Variants in CACNG3 observed in about 807,000 individuals in gnomAD.
The protein encoded by CACNG3 is voltage-dependent calcium channel gamma-3 subunit.
CACNG3 carries 3 observed loss-of-function variants against 28.5 expected under a neutral mutation model. That is an observed-to-expected ratio of 0.11 (90% CI 0.05 to 0.27). CACNG3 has a LOEUF of 0.27. Among genes scored for constraint, CACNG3 ranks in the 10% least tolerant of loss-of-function variants. The pLI, the probability that CACNG3 is intolerant of heterozygous loss-of-function variation, is 1.00. For synonymous variants in CACNG3, 174 were observed against 162.2 expected, an observed-to-expected ratio of 1.07 and a Z score of -0.55; for missense variants, 236 against 414.4, an observed-to-expected ratio of 0.57 and a Z score of 3.74.
At chr16:24,336,312 C>T (rs1293352753) in intron 1 of CACNG3, among the ~76,000 whole-genome samples, 2 of 151,072 alleles carry the variant, frequency 1.3e-5, no homozygotes, top group East Asian at 4.0e-4. Flanking sequence ...CGCTCTGTCT[C>T]CCAGGCTGGA....
chr16:24,271,961 A>C (rs1898696585), intron 1 of CACNG3, among the ~76,000 whole-genome samples: 1 of 152,204 alleles, frequency 6.6e-6, no homozygotes, highest in Non-Finnish European at 1.5e-5. Flanking sequence ...GACCTCTTCA[A>C]GTACTCGGGG....
At chr16:24,287,626 C>T (rs1898913084) in intron 1 of CACNG3, among the ~76,000 whole-genome samples, 1 of 151,818 alleles carries the variant, frequency 6.6e-6, no homozygotes, top group Admixed American at 6.6e-5. Context: ...TTTCCTGAGA[C>T]TCTCCAAGAC....
In CACNG3 at chr16:24,351,342, C is replaced by T. The variant is rs931371895; in HGVS notation, c.296-3491C>T. Among the ~76,000 whole-genome samples, 6 of 152,006 alleles carry T rather than the reference C, an allele frequency of 3.9e-5. No individual in the cohort carries two copies. The East Asian group carries it at 7.8e-4, about 20-fold the overall frequency. On this transcript the variant is annotated intron_variant, in intron 2 of 3. Transcript: ENST00000005284. Reference sequence around the variant, plus strand: ...CCCCAGCACTTTTGGGAGGCCAAAGCGGGTGGATCACCTGAGGTCAGGAGT... The same window carrying T: ...CCCCAGCACTTTTGGGAGGCCAAAGTGGGTGGATCACCTGAGGTCAGGAGT...
At chr16:24,340,125 G>C (rs1164142153) in intron 1 of CACNG3, among the ~76,000 whole-genome samples, 2 of 152,162 alleles carry the variant, frequency 1.3e-5, no homozygotes, top group Admixed American at 1.3e-4. Context: ...ATAAAAATTG[G>C]CTGGTTGTGG....
intron 1 of CACNG3, among the ~76,000 whole-genome samples, chr16:24,263,134 AT>A (rs1309534977): frequency 6.6e-6 from 1 of 152,160 alleles, no homozygotes; most frequent in African/African-American, 2.4e-5. Flanking sequence ...AATGCACATA[AT>A]TTTTTTGTTC....
intron 1 of CACNG3, among the ~76,000 whole-genome samples, chr16:24,305,332 G>GTT (rs1330193255): frequency 1.2e-5 from 1 of 80,482 alleles, no homozygotes; most frequent in Non-Finnish European, 2.8e-5. Flanking sequence ...GTGTGTGTGT[G>GTT]TGTGTGTGTG....
intron 2 of CACNG3, among the ~76,000 whole-genome samples, chr16:24,349,636 G>A (rs1899914801): frequency 6.6e-6 from 1 of 152,190 alleles, no homozygotes; most frequent in Non-Finnish European, 1.5e-5. Flanking sequence ...ACATGCTAAT[G>A]TATTATAATT....
intron 1 of CACNG3, among the ~76,000 whole-genome samples, chr16:24,268,425 G>A (rs1048468994): frequency 3.3e-5 from 5 of 152,154 alleles, no homozygotes; most frequent in Non-Finnish European, 5.9e-5. Flanking sequence ...GGTGGGTTGG[G>A]TCTCCTCCAA....
At chr16:24,269,427 C>G (rs1351992399) in intron 1 of CACNG3, among the ~76,000 whole-genome samples, 1 of 152,052 alleles carries the variant, frequency 6.6e-6, no homozygotes, top group African/African-American at 2.4e-5. Context: ...AATTCAGCAG[C>G]CTGTAGTTTG....
intron 1 of CACNG3, among the ~76,000 whole-genome samples, chr16:24,327,792 A>G (rs1899578098): frequency 6.6e-6 from 1 of 151,982 alleles, no homozygotes; most frequent in South Asian, 2.1e-4. Context: ...AAATGAAAAC[A>G]GTAATGGAGC....
At chr16:24,323,239 A>AAAAGAG (rs1555460944) in intron 1 of CACNG3, among the ~76,000 whole-genome samples, 1 of 143,080 alleles carries the variant, frequency 7.0e-6, no homozygotes, top group African/African-American at 2.6e-5. Flanking sequence ...AAAAAAAAAA[A>AAAAGAG]AGAGAGAGAG....
chr16:24,315,545 TTTC>T (rs1158733800), intron 1 of CACNG3, among the ~76,000 whole-genome samples: 1 of 151,660 alleles, frequency 6.6e-6, no homozygotes, highest in Non-Finnish European at 1.5e-5. Flanking sequence ...TTTTCCTTTT[TTTC>T]TTTTCTTCTT....
rs1899569720 is a variant in CACNG3, at chr16:24,327,449, T to G, written c.212-19285T>G. Among the ~76,000 whole-genome samples, 6 of 113,638 alleles carry G rather than the reference T, an allele frequency of 5.3e-5. No individual in the cohort carries two copies. In the Admixed American group the frequency reaches 5.7e-4, roughly 11 times the overall value. The allele number at this position is 113,638 out of a possible 152,430, so 74.6% of individuals were successfully genotyped here. ...GTGTGTGTGTGTGTGTATATATATA[T>G]ATATATACACACACACACACACACA... On this transcript the variant is annotated intron_variant, in intron 1 of 3. Coordinates refer to ENST00000005284, the MANE Select transcript of CACNG3 (RefSeq NM_006539.4).
At chr16:24,350,778 A>C (rs1899929981) in intron 2 of CACNG3, among the ~76,000 whole-genome samples, 1 of 152,182 alleles carries the variant, frequency 6.6e-6, no homozygotes, top group African/African-American at 2.4e-5. Context: ...TACAATGCAA[A>C]TGATCCCTTT....
chr16:24,257,417 GAGAGA>G (rs1898479138), intron 1 of CACNG3, among the ~76,000 whole-genome samples: 1 of 132,120 alleles, frequency 7.6e-6, no homozygotes. Context: ...GAGAGAGAGA[GAGAGA>G]GAGAGATCCT....
In CACNG3 at chr16:24,297,715, C is replaced by T. The variant is rs1038740873; in HGVS notation, c.211+40750C>T. ...TCTGAGAGTCATCTAAGAACAGAAGCATAAGGGATGGATGGGGAGGGGGTG... is the reference window on the plus strand; with the variant it reads ...TCTGAGAGTCATCTAAGAACAGAAGTATAAGGGATGGATGGGGAGGGGGTG... On this transcript the variant is annotated intron_variant, in intron 1 of 3. Transcript: ENST00000005284. Among the ~76,000 whole-genome samples, 3 of 152,182 alleles carry T rather than the reference C, an allele frequency of 2.0e-5. No individual in the cohort carries two copies. In the East Asian group the frequency reaches 5.8e-4, roughly 29 times the overall value.
chr16:24,350,968 CACTT>C (rs1899932051), intron 2 of CACNG3, among the ~76,000 whole-genome samples: 2 of 152,288 alleles, frequency 1.3e-5, no homozygotes, highest in Non-Finnish European at 2.9e-5. Context: ...AAGCTACACT[CACTT>C]ACAGAACCCC....
chr16:24,361,911 T>G lies in CACNG3; in HGVS notation c.*48T>G, dbSNP rs1462448444. 1 of 1,512,166 alleles carries G rather than the reference T, an allele frequency of 6.6e-7. No individual in the cohort carries two copies. The highest frequency in any genetic ancestry group is 8.9e-7 in the Non-Finnish European group (1 of 1,128,836). The allele number at this position is 1,512,166 out of a possible 1,614,324, so 93.7% of individuals were successfully genotyped here. On this transcript the variant is annotated 3_prime_UTR_variant, in exon 4 of 4. Coordinates refer to ENST00000005284, the MANE Select transcript of CACNG3 (RefSeq NM_006539.4). The surrounding 1 kb of genome is among the most constrained non-coding windows in gnomAD (Gnocchi z 6.8). Reference sequence around the variant, plus strand: ...ACGCCCAGCACAGCCTTGGGGGAAGTGTACAGAGATGTCTCTGAGGTTGCA... The same window carrying G: ...ACGCCCAGCACAGCCTTGGGGGAAGGGTACAGAGATGTCTCTGAGGTTGCA...
At chr16:24,360,062 G>A (rs1944025930) in intron 3 of CACNG3, among the ~76,000 whole-genome samples, 1 of 152,122 alleles carries the variant, frequency 6.6e-6, no homozygotes, top group Admixed American at 6.6e-5. Context: ...AGAGAATTCA[G>A]GAGGCTCCTG....
Sources: gnomAD v4.1 joint callset for allele counts (sites outside exome capture counted in the v4.1 genomes callset) on GRCh38, gnomAD v4.1.1 for gene constraint, Gnocchi (gnomAD v3.1) non-coding constraint, MANE v1.5 for transcripts, NCBI Gene and HGNC (gene_info 2026-07-23, HGNC 2026-07-21) for gene names.